The following COX7A2L variants were observed in gnomAD, a reference collection of about 807,000 sequenced individuals.
The protein encoded by COX7A2L is cytochrome c oxidase subunit 7A2 like, also known as cytochrome c oxidase subunit 7A2-like, mitochondrial.
In COX7A2L, 18 loss-of-function variants were observed where a neutral mutation model predicts 14.2. The ratio of observed to expected loss-of-function variants is 1.27; its 90% confidence interval spans 0.88 to 1.88. The LOEUF is 1.88. Ranked by LOEUF, COX7A2L falls within the 40% of genes most tolerant of loss-of-function variation. The probability of loss-of-function intolerance (pLI) is 0.00; values close to 1 mark genes in which losing one functional copy is unlikely to be tolerated. For missense variants in COX7A2L, 179 were observed against 138.8 expected (o/e 1.29, Z -1.46); for synonymous variants, 65 against 57.4 (o/e 1.13, Z -0.60).
At chr2:42,366,953 T>G (rs1370534436) in intron 1 of COX7A2L, among the ~76,000 whole-genome samples, 2 of 152,152 alleles carry the variant, frequency 1.3e-5, no homozygotes, top group Non-Finnish European at 2.9e-5. Flanking sequence ...AGATAAGGAA[T>G]CTGTATAAAG....
In COX7A2L at chr2:42,342,112, G is replaced by A. The variant is rs984981861; in HGVS notation, c.193-8243C>T. The stretch of plus-strand genomic sequence containing the variant: ...CCCTCTCTAGTGGCGAGGCACTTCC[G>A]GAACTGGTGCCAGGTCTTCCTATGA... On this transcript the variant is annotated intron_variant, in intron 2 of 2. Transcript: ENST00000468711. This position sits in a 1 kb window ranked among gnomAD's most constrained non-coding sequence, Gnocchi z 4.9. Among the ~76,000 whole-genome samples the A allele has an allele frequency of 6.6e-6, 1 of 152,158 alleles. No individual in the cohort carries two copies. Among genetic ancestry groups the A allele is most frequent in the Non-Finnish European group, 1.5e-5 (1 of 68,026 alleles).
Position 42,361,074 on chromosome 2 carries a change from C to G in COX7A2L, c.72+16G>C. On this transcript the variant is annotated intron_variant, in intron 1 of 2. Transcript: ENST00000234301. ...CGCCACTTCTCATGTCCGAGCTGGC[C>G]AGGCGCCACTCGTACCTGCGGGCTA... 3 of 1,612,816 alleles carry G rather than the reference C, an allele frequency of 1.9e-6. No homozygotes were observed. The highest frequency in any genetic ancestry group is 1.7e-6 in the Non-Finnish European group (2 of 1,179,524).
chr2:42,361,097 C>A lies in COX7A2L; in HGVS notation c.65G>T (p.Ser22Ile), dbSNP rs752382071. The A allele has an allele frequency of 2.5e-6, 4 of 1,613,712 alleles. No individual in the cohort carries two copies. The highest frequency in any genetic ancestry group is 3.4e-6 in the Non-Finnish European group (4 of 1,179,870). Residue 22 changes from serine to isoleucine, a missense_variant, in exon 1 of 3, where the codon AGC (serine) becomes ATC (isoleucine). Ser to Ile is a moderately radical substitution (Grantham distance 142, BLOSUM62 -2). Transcript: ENST00000234301. ...GCCAGGCGCCACTCGTACCTGCGGG[C>A]TATAGGCCTCCGAAGCCCATGCTCC... is the stretch of plus-strand genomic sequence containing the variant. ...LAGAWASEAY[S>I]PQGLKPVVST...
In COX7A2L at chr2:42,361,192, T is replaced by G. The variant is rs1041709217; in HGVS notation, c.-31A>C. The G allele has an allele frequency of 2.5e-6, 4 of 1,578,008 alleles. No individual in the cohort carries two copies. Among genetic ancestry groups the G allele is most frequent in the Admixed American group, 1.8e-5 (1 of 55,750 alleles). ...CCAGAGTCCGGCTTCCCGCATCCGC[T>G]GCCAACGCGACCGCCCCAGAGAAGG... On this transcript the variant is annotated 5_prime_UTR_variant, in exon 1 of 3. Transcript: ENST00000234301.
At chr2:42,357,635 T>C (rs1228715117) in intron 1 of COX7A2L, among the ~76,000 whole-genome samples, 1 of 152,074 alleles carries the variant, frequency 6.6e-6, no homozygotes, top group African/African-American at 2.4e-5. Flanking sequence ...AACGGTAAGC[T>C]AGACATCACC....
Position 42,357,754 on chromosome 2 carries a change from T to C in COX7A2L, c.72+3336A>G, listed in dbSNP as rs545901293. Among the ~76,000 whole-genome samples, 9 of 152,308 alleles carry C rather than the reference T, an allele frequency of 5.9e-5. No homozygotes were observed. In the South Asian group the frequency reaches 1.4e-3, roughly 25 times the overall value. ...GTGAAAAGCACCAATTCACCAATCA[T>C]GCTGAAGCCCTCCCTCCTCATCCCC... On this transcript the variant is annotated intron_variant, in intron 1 of 2. Coordinates refer to ENST00000234301, the MANE Select transcript of COX7A2L (RefSeq NM_004718.4).
chr2:42,361,158 A>C lies in COX7A2L; in HGVS notation c.4T>G (p.Tyr2Asp), dbSNP rs141288244. M[Y>D]YKFSGFTQKL... is the part of the protein sequence containing the mutation. ...TGCGTGAAGCCACTAAACTTGTAGTACATGACGCCCAGAGTCCGGCTTCCC... is the reference window on the plus strand; with the variant it reads ...TGCGTGAAGCCACTAAACTTGTAGTCCATGACGCCCAGAGTCCGGCTTCCC... Residue 2 changes from tyrosine (Y) to aspartate (D), a missense_variant, in exon 1 of 3, where the codon TAC becomes GAC. By Grantham distance (160) the Tyr-to-Asp change is radical (BLOSUM62 -3). Coordinates refer to ENST00000234301, the MANE Select transcript of COX7A2L (RefSeq NM_004718.4). 1 of 1,612,448 alleles carries C rather than the reference A, an allele frequency of 6.2e-7. No homozygotes were observed. The highest frequency in any genetic ancestry group is 8.5e-7 in the Non-Finnish European group (1 of 1,179,026).
chr2:42,363,272 T>C (rs1429071625), upstream of COX7A2L, among the ~76,000 whole-genome samples: 1 of 152,188 alleles, frequency 6.6e-6, no homozygotes, highest in East Asian at 1.9e-4. Context: ...ACATTAGCCT[T>C]CTTGAGTCCC....
intron 1 of COX7A2L, among the ~76,000 whole-genome samples, chr2:42,360,639 T>C (rs1316504892): frequency 6.6e-6 from 1 of 151,964 alleles, no homozygotes; most frequent in Non-Finnish European, 1.5e-5. Context: ...TGCACCATGG[T>C]TTCTCTAAAC....
At chr2:42,359,289 A>G (rs570610696) in intron 1 of COX7A2L, 6 of 152,324 alleles carry the variant, frequency 3.9e-5, no homozygotes, top group Admixed American at 1.3e-4. Context: ...AAAAAAGGCA[A>G]AACTATCTAT....
chr2:42,360,824 A>G (rs971099700), intron 1 of COX7A2L: 9 of 501,650 alleles, frequency 1.8e-5, no homozygotes, highest in Non-Finnish European at 2.9e-5. Flanking sequence ...CTTTTAGACA[A>G]GTGACCCCGG....
chr2:42,348,864 G>A (rs935993110), downstream of COX7A2L, among the ~76,000 whole-genome samples: 83 of 152,166 alleles, frequency 5.5e-4, no homozygotes, highest in Middle Eastern at 0.014. Context: ...ATTGCAGTGA[G>A]CCAAGATCAC....
At chr2:42,353,959 A>C (rs969182759) in intron 1 of COX7A2L, among the ~76,000 whole-genome samples, 1 of 152,230 alleles carries the variant, frequency 6.6e-6, no homozygotes, top group East Asian at 1.9e-4. Context: ...TAAGCCTCTA[A>C]AACATTACGC....
intron 1 of COX7A2L, 185 bp downstream of exon 1, chr2:42,360,905 G>A (rs944739572): frequency 9.1e-6 from 6 of 656,202 alleles, no homozygotes; most frequent in Non-Finnish European, 1.1e-5. Flanking sequence ...AGGTGAGCAG[G>A]TACACAAAAA....
At chr2:42,361,235 G>A, upstream of COX7A2L, 12 of 1,421,254 alleles carry the variant, frequency 8.4e-6, no homozygotes, top group Non-Finnish European at 1.2e-5. Flanking sequence ...CTCCCCGGCT[G>A]TGGTCCCGAG....
At chr2:42,354,243 G>C (rs1335671752) in intron 1 of COX7A2L, among the ~76,000 whole-genome samples, 1 of 152,084 alleles carries the variant, frequency 6.6e-6, no homozygotes, top group Non-Finnish European at 1.5e-5. Flanking sequence ...TGTATGCTAT[G>C]TAAATTATAT....
intron 2 of COX7A2L, among the ~76,000 whole-genome samples, chr2:42,340,822 G>A (rs1670388994): frequency 6.6e-6 from 1 of 152,198 alleles, no homozygotes; most frequent in African/African-American, 2.4e-5. Context: ...AAGCACGGGA[G>A]GCCAGGAGCA....
intron 1 of COX7A2L, among the ~76,000 whole-genome samples, chr2:42,367,958 A>C (rs1671199539): frequency 6.6e-6 from 1 of 152,264 alleles, no homozygotes; most frequent in South Asian, 2.1e-4. Context: ...AACCACATCT[A>C]TTTTAATTTA....
At chr2:42,361,267 C>A (rs1671042690), upstream of COX7A2L, 1 of 1,071,734 alleles carries the variant, frequency 9.3e-7, no homozygotes, top group African/African-American at 1.6e-5. Context: ...GGACCCGGTG[C>A]TGGGACTAGG....
Sources: allele counts gnomAD v4.1 joint callset (sites outside exome capture counted in the v4.1 genomes callset), GRCh38; gene constraint gnomAD v4.1.1; non-coding constraint Gnocchi (gnomAD v3.1); transcripts MANE v1.5; gene names NCBI Gene and HGNC (gene_info 2026-07-23, HGNC 2026-07-21).